CPHXL: variants seen among roughly 807,000 people sequenced by gnomAD.
CPHXL encodes the protein cytoplasmic polyadenylated homeobox-like protein.
chr16:75,725,143 G>T (rs971154669), intron 1 of CPHXL, among the ~76,000 whole-genome samples: 2 of 142,404 alleles, frequency 1.4e-5, no homozygotes, highest in Non-Finnish European at 3.1e-5. Flanking sequence ...GGGGAGGGGG[G>T]AGGGATAGCA....
chr16:75,722,387 G>A (rs1285904858), intron 1 of CPHXL, among the ~76,000 whole-genome samples: 1 of 149,948 alleles, frequency 6.7e-6, no homozygotes, highest in Non-Finnish European at 1.5e-5. Context: ...AAAGAGAGAA[G>A]AATCAAATAG....
At chr16:75,715,308 C>T (rs1355813388) in intron 2 of CPHXL, 86 bp from the exon 3 acceptor site, 4 of 397,628 alleles carry the variant, frequency 1.0e-5, no homozygotes, top group Non-Finnish European at 1.8e-5. Context: ...GAGGATTTTT[C>T]TATTTAAGCC....
chr16:75,720,438 G>A (rs77509492), intron 1 of CPHXL, among the ~76,000 whole-genome samples: 3 of 152,150 alleles, frequency 2.0e-5, no homozygotes, highest in South Asian at 2.1e-4. Flanking sequence ...ACCACGGCAC[G>A]AGAACTACAT....
chr16:75,723,289 T>C (rs896169297), intron 1 of CPHXL, among the ~76,000 whole-genome samples: 3 of 152,122 alleles, frequency 2.0e-5, no homozygotes, highest in South Asian at 4.1e-4. Context: ...GGTATTCAAT[T>C]AGGAAAAGAG....
intron 1 of CPHXL, among the ~76,000 whole-genome samples, chr16:75,722,558 A>G (rs1959492976): frequency 6.6e-6 from 1 of 152,214 alleles, no homozygotes; most frequent in South Asian, 2.1e-4. Flanking sequence ...TAAACCAGGA[A>G]GAAGCTGAAT....
At chr16:75,717,210 C>T (rs1486070265) in intron 2 of CPHXL, among the ~76,000 whole-genome samples, 3 of 152,260 alleles carry the variant, frequency 2.0e-5, no homozygotes, top group Non-Finnish European at 2.9e-5. Flanking sequence ...CTAACTACAG[C>T]AGCATCAACT....
intron 1 of CPHXL, among the ~76,000 whole-genome samples, chr16:75,724,987 A>T (rs1959533775): frequency 6.6e-6 from 1 of 152,228 alleles, no homozygotes; most frequent in Admixed American, 6.5e-5. Context: ...GACATGGATG[A>T]AGCTGGAAAC....
rs371859425 is a variant in CPHXL, at chr16:75,717,716, T to C, written c.219+549A>G. On this transcript the variant is annotated intron_variant, in intron 2 of 2. Coordinates refer to ENST00000640559, the MANE Select transcript of CPHXL (RefSeq NM_001355613.1). ...AGTGGTATGATCAGGGCTGGAAGCA[T>C]CAGCCACAGCGCCCATCTTATTTTC... is the stretch of plus-strand genomic sequence containing the variant. 3.3e-5 allele frequency among the ~76,000 whole-genome samples: 5 copies of C among 152,200 alleles called. No homozygotes were observed. In the East Asian group the frequency reaches 5.8e-4, roughly 18 times the overall value.
intron 1 of CPHXL, among the ~76,000 whole-genome samples, chr16:75,725,250 A>C (rs1210562794): frequency 6.6e-6 from 1 of 152,118 alleles, no homozygotes; most frequent in African/African-American, 2.4e-5. Context: ...CATTGTGCAC[A>C]TGTACCCTAA....
rs1959371971 is a variant in CPHXL at position 75,715,110 on chromosome 16, T to C, written c.332A>G (p.Gln111Arg). The C allele has an allele frequency of 7.5e-6, 3 of 398,956 alleles. No homozygotes were observed. The highest frequency in any genetic ancestry group is 1.3e-5 in the Non-Finnish European group (3 of 226,162). The allele number at this position is 398,956 out of a possible 1,614,324, so 24.7% of individuals were successfully genotyped here. A position where few individuals can be genotyped will look rare whatever the true frequency, so the allele number is the denominator to read the frequency against. The change falls in exon 3 of 3, where the codon CAG (glutamine) becomes CGG (arginine). Residue 111 changes from glutamine (Q) to arginine (R), a missense_variant. Gln to Arg is a conservative substitution (Grantham distance 43, BLOSUM62 1). Coordinates refer to ENST00000640559, the MANE Select transcript of CPHXL (RefSeq NM_001355613.1). ...GTTGTGAGCTGCAGCCTGGGTCTCC[T>C]GGCAGCTTAAAAATGAATGGGCTTG... The part of the protein sequence containing the change: ...PVQAHSFLSC[Q>R]ETQAAAHNYA...
At position 75,723,773 on chromosome 16, in the gene CPHXL, A is replaced by G. The variant is rs546399184; in HGVS notation, c.25+2645T>C. ...CTACTTTAAAGTTCATATGGAACCA[A>G]AAAAGAGCCCACATTGCCAAGTCAA... On this transcript the variant is annotated intron_variant, in intron 1 of 2. Transcript: ENST00000640559. Among the ~76,000 whole-genome samples the G allele has an allele frequency of 2.7e-3, 407 of 152,130 alleles. 9 individuals are homozygous for G. The highest frequency in any genetic ancestry group is 0.024 in the Admixed American group (366 of 15,270).
chr16:75,717,575 C>T (rs1439161554), intron 2 of CPHXL, among the ~76,000 whole-genome samples: 1 of 152,088 alleles, frequency 6.6e-6, no homozygotes, highest in African/African-American at 2.4e-5. Flanking sequence ...ATTGTTTTAA[C>T]ATTTGTATCA....
chr16:75,714,436 T>C lies in CPHXL; in HGVS notation c.1006A>G (p.Met336Val), dbSNP rs146263031. The change falls in exon 3 of 3, where the codon ATG becomes GTG. Residue 336 changes from methionine to valine, a missense_variant. Coordinates refer to ENST00000640559, the MANE Select transcript of CPHXL (RefSeq NM_001355613.1). ...CCTAGATCCCAAGGACCCGAGTCCA[T>C]TGGGAGCTGTTCCTGCAACATCATC... ...EGMMLQEQLPMDSGPWDLGKQ... is the reference protein window; with the variant it reads ...EGMMLQEQLPVDSGPWDLGKQ... 9.4e-3 allele frequency: 3,749 copies of C among 398,584 alleles called. 24 individuals are homozygous for C. The highest frequency in any genetic ancestry group is 0.012 in the Non-Finnish European group (2,720 of 226,060). 24.7% of individuals were successfully genotyped at this position (398,584 alleles called of 1,614,324 possible).
Position 75,720,005 on chromosome 16 carries a change from A to C in CPHXL, c.26-1547T>G, listed in dbSNP as rs546605006. Among the ~76,000 whole-genome samples the C allele has an allele frequency of 3.1e-3, 478 of 152,270 alleles. 1 individual carries two copies. Among genetic ancestry groups the C allele is most frequent in the Non-Finnish European group, 4.8e-3 (325 of 68,026 alleles). On this transcript the variant is annotated intron_variant, in intron 1 of 2. Coordinates refer to ENST00000640559, the MANE Select transcript of CPHXL (RefSeq NM_001355613.1). ...CCCAGTCAAACAGGGTCTGGAGTGG[A>C]CCTCCGGCAAACTCCAACAGACCTG... is the stretch of plus-strand genomic sequence containing the variant.
rs35659823 is a variant in CPHXL, at chr16:75,725,753, C to CTTTTTTTTTTTTTTTT, written c.25+649_25+664dup. 6.5e-4 allele frequency among the ~76,000 whole-genome samples: 28 copies of CTTTTTTTTTTTTTTTT among 43,316 alleles called. 3 individuals are homozygous for CTTTTTTTTTTTTTTTT. The highest frequency in any genetic ancestry group is 3.4e-3 in the East Asian group (2 of 588). The allele number at this position is 43,316 out of a possible 152,430, so 28.4% of individuals were successfully genotyped here. A position where few individuals can be genotyped will look rare whatever the true frequency, so the allele number is the denominator to read the frequency against. ...AGGAGTGAGCCACCGTGCCCGGCGT[C>CTTTTTTTTTTTTTTTT]TTTTTTTTTTTTTTTTTTTTTTTTT... On this transcript the variant is annotated intron_variant, in intron 1 of 2. Transcript: ENST00000640559.
At chr16:75,722,673 G>T (rs1959494799) in intron 1 of CPHXL, among the ~76,000 whole-genome samples, 1 of 152,182 alleles carries the variant, frequency 6.6e-6, no homozygotes. Context: ...TACCAGAGGT[G>T]CAAGGAAGAG....
In CPHXL at chr16:75,718,974, G is replaced by A. The variant is rs151086732; in HGVS notation, c.26-516C>T. Among the ~76,000 whole-genome samples, 103 of 152,298 alleles carry A rather than the reference G, an allele frequency of 6.8e-4. 1 individual carries two copies. The East Asian group carries it at 0.016, about 23-fold the overall frequency. On this transcript the variant is annotated intron_variant, in intron 1 of 2. Coordinates refer to ENST00000640559, the MANE Select transcript of CPHXL (RefSeq NM_001355613.1). The stretch of plus-strand genomic sequence containing the variant: ...TGGAATCGGGAGCCTGAAAGTGAGC[G>A]AACAGAGGCCTCTGGGTGCCACTAA...
At chr16:75,716,069 T>A (rs1199371154) in intron 2 of CPHXL, among the ~76,000 whole-genome samples, 2 of 152,090 alleles carry the variant, frequency 1.3e-5, no homozygotes, top group Non-Finnish European at 2.9e-5. Flanking sequence ...AAGAGTGCAA[T>A]TGTTTGAATA....
At chr16:75,716,737 T>G (rs774920107) in intron 2 of CPHXL, among the ~76,000 whole-genome samples, 4 of 152,110 alleles carry the variant, frequency 2.6e-5, no homozygotes, top group Non-Finnish European at 5.9e-5. Context: ...AGTTGGAGGG[T>G]GGGGTTGAAA....
Sources: gnomAD v4.1 joint callset for allele counts (sites outside exome capture counted in the v4.1 genomes callset) on GRCh38, gnomAD v4.1.1 for gene constraint, MANE v1.5 for transcripts, NCBI Gene and HGNC (gene_info 2026-07-23, HGNC 2026-07-21) for gene names.